Variants in RTL4 observed in about 807,000 individuals in gnomAD.
RTL4 encodes the protein retrotransposon Gag-like protein 4.
In RTL4, 4 loss-of-function variants were observed where a neutral mutation model predicts 5.3. The ratio of observed to expected loss-of-function variants is 0.75; its 90% CI spans 0.37 to 1.72. RTL4 has a LOEUF of 1.72. Among genes scored for constraint, RTL4 ranks in the 40% most tolerant of loss-of-function variants. The pLI is 0.04. For synonymous variants in RTL4, 98 were observed against 87.3 expected (o/e 1.12, Z -0.68); for missense variants, 260 against 227.1 (o/e 1.14, Z -0.93).
chrX:112,357,281 G>A, the RTL4 span, among the ~76,000 whole-genome samples: 1 of 109,302 alleles, frequency 9.1e-6, no homozygotes, highest in Admixed American at 9.8e-5. Context: ...TTGATTCCAA[G>A]TGTCCCAGAA....
At chrX:112,128,798 G>A in the RTL4 span, among the ~76,000 whole-genome samples, 1 of 110,979 alleles carries the variant, frequency 9.0e-6, no homozygotes, top group Non-Finnish European at 1.9e-5. Context: ...CTTTGGCTAT[G>A]ACACCAAAAG....
chrX:112,330,703 A>G, the RTL4 span, among the ~76,000 whole-genome samples: 2 of 111,615 alleles, frequency 1.8e-5, no homozygotes, highest in Admixed American at 1.9e-4. Context: ...CGCCAAGTCA[A>G]TCTTAAGCCA....
At chrX:112,192,872 G>C in the RTL4 span, among the ~76,000 whole-genome samples, 1 of 111,856 alleles carries the variant, frequency 8.9e-6, no homozygotes, top group Non-Finnish European at 1.9e-5. Context: ...GTGGACTCAA[G>C]TTACTGTCTA....
chrX:112,393,518 G>A, the RTL4 span, among the ~76,000 whole-genome samples: 1 of 111,891 alleles, frequency 8.9e-6, no homozygotes, highest in Non-Finnish European at 1.9e-5. Context: ...GGTGGCTGGA[G>A]ATCCCAATTG....
At chrX:112,292,644 A>G in the RTL4 span, among the ~76,000 whole-genome samples, 1 of 111,799 alleles carries the variant, frequency 8.9e-6, no homozygotes, top group South Asian at 3.8e-4. Flanking sequence ...TAAATAAAAA[A>G]TTCCATGTAC....
At chrX:112,365,035 T>C in the RTL4 span, among the ~76,000 whole-genome samples, 1 of 110,895 alleles carries the variant, frequency 9.0e-6, no homozygotes, top group Non-Finnish European at 1.9e-5. Flanking sequence ...TGTAAGATGG[T>C]GGGTAGTCAA....
the RTL4 span, among the ~76,000 whole-genome samples, chrX:112,424,482 A>C: frequency 1.8e-5 from 2 of 110,950 alleles, no homozygotes; most frequent in African/African-American, 6.6e-5. Context: ...GCTACATCTG[A>C]GGTTGTAGTG....
At chrX:112,235,388 G>A in the RTL4 span, among the ~76,000 whole-genome samples, 2 of 111,584 alleles carry the variant, frequency 1.8e-5, no homozygotes, top group Non-Finnish European at 3.8e-5. Context: ...TGCTGCCTCT[G>A]CTAAGTTCCC....
chrX:112,450,222 G>A (rs1926711719), upstream of RTL4, among the ~76,000 whole-genome samples: 1 of 112,462 alleles, frequency 8.9e-6, no homozygotes, highest in Non-Finnish European at 1.9e-5. Flanking sequence ...GAGTAAAGTA[G>A]TTTTATGTTC....
At chrX:112,105,633 T>C in the RTL4 span, among the ~76,000 whole-genome samples, 1 of 111,243 alleles carries the variant, frequency 9.0e-6, no homozygotes, top group Non-Finnish European at 1.9e-5. Context: ...CCTAAATTTA[T>C]TTTTTTGGAG....
the RTL4 span, among the ~76,000 whole-genome samples, chrX:112,312,300 T>C: frequency 9.0e-6 from 1 of 111,597 alleles, no homozygotes; most frequent in African/African-American, 3.3e-5. Context: ...CTAAATAAGA[T>C]GGTATCTGTA....
the RTL4 span, among the ~76,000 whole-genome samples, chrX:112,330,898 A>C: frequency 1.4e-4 from 16 of 110,761 alleles, no homozygotes; most frequent in East Asian, 1.1e-3. Flanking sequence ...GAAAAACAAG[A>C]AATGGGGAAA....
the RTL4 span, among the ~76,000 whole-genome samples, chrX:112,177,921 C>G: frequency 9.3e-6 from 1 of 108,081 alleles, no homozygotes; most frequent in African/African-American, 3.4e-5. Context: ...ATAGACAACA[C>G]ATAAAGAAAC....
the RTL4 span, among the ~76,000 whole-genome samples, chrX:112,353,181 C>G: frequency 9.0e-6 from 1 of 111,649 alleles, no homozygotes; most frequent in Non-Finnish European, 1.9e-5. Flanking sequence ...AGTCAGGAAA[C>G]AACAGGTGCT....
chrX:112,185,336 A>T, the RTL4 span, among the ~76,000 whole-genome samples: 1 of 103,291 alleles, frequency 9.7e-6, no homozygotes, highest in Admixed American at 1.1e-4. Context: ...ACCCAAATTT[A>T]CGCAGGTTAG....
At chrX:112,306,564 A>T in the RTL4 span, among the ~76,000 whole-genome samples, 1 of 111,519 alleles carries the variant, frequency 9.0e-6, no homozygotes, top group Non-Finnish European at 1.9e-5. Context: ...GCCTGACTCC[A>T]GAGCTCTTAA....
chrX:112,408,428 C>T, the RTL4 span, among the ~76,000 whole-genome samples: 2 of 107,436 alleles, frequency 1.9e-5, no homozygotes, highest in African/African-American at 6.8e-5. Context: ...AATTAGTGAG[C>T]GTGGAGACAG....
chrX:112,085,498 A>G, the RTL4 span, among the ~76,000 whole-genome samples: 1 of 112,076 alleles, frequency 8.9e-6, no homozygotes, highest in Non-Finnish European at 1.9e-5. Context: ...GGGTTTTCCC[A>G]GTCATTAAGC....
chrX:112,166,859 CAT>C, the RTL4 span, among the ~76,000 whole-genome samples: 1 of 111,901 alleles, frequency 8.9e-6, no homozygotes, highest in African/African-American at 3.2e-5. Flanking sequence ...CAGGGCCTAA[CAT>C]ATATTAACAT....
Sources: allele counts gnomAD v4.1 joint callset (sites outside exome capture counted in the v4.1 genomes callset), GRCh38; gene constraint gnomAD v4.1.1; transcripts MANE v1.5; gene names NCBI Gene and HGNC (gene_info 2026-07-23, HGNC 2026-07-21).